The following KCNK13 variants were observed in gnomAD, a reference collection of about 807,000 sequenced individuals.
KCNK13 encodes potassium channel subfamily K member 13.
Under a neutral mutation model 23.4 loss-of-function variants are expected in KCNK13, and 12 were observed. That is an observed-to-expected ratio of 0.51 (90% CI 0.33 to 0.83). The LOEUF (loss-of-function observed/expected upper bound fraction) is 0.83. KCNK13 is among the 40% of genes least tolerant of loss of function. The pLI is 0.02. For missense variants in KCNK13, 463 were observed against 556.3 expected, an observed-to-expected ratio of 0.83 and a Z score of 1.69; for synonymous variants, 231 against 229.5, an observed-to-expected ratio of 1.01 and a Z score of -0.06.
intron 1 of KCNK13, among the ~76,000 whole-genome samples, chr14:90,101,771 CAG>C: frequency 1.1e-5 from 1 of 92,516 alleles, no homozygotes; most frequent in Non-Finnish European, 2.0e-5. Flanking sequence ...GCCTGGGCAA[CAG>C]AGTGAGACTC....
At chr14:90,164,183 G>T (rs1039123169) in intron 1 of KCNK13, among the ~76,000 whole-genome samples, 1 of 152,112 alleles carries the variant, frequency 6.6e-6, no homozygotes, top group South Asian at 2.1e-4. Context: ...CTTTTCCTCT[G>T]CCAGCTCAAT....
chr14:90,137,096 T>C (rs1005454401), intron 1 of KCNK13, among the ~76,000 whole-genome samples: 1 of 152,166 alleles, frequency 6.6e-6, no homozygotes, highest in African/African-American at 2.4e-5. Flanking sequence ...TTGTGCTCAT[T>C]TAAAAACAGC....
At chr14:90,107,278 G>T (rs576399687) in intron 1 of KCNK13, among the ~76,000 whole-genome samples, 1 of 152,152 alleles carries the variant, frequency 6.6e-6, no homozygotes, top group Non-Finnish European at 1.5e-5. Flanking sequence ...AGGAGATTGA[G>T]ACCATCCTGG....
intron 1 of KCNK13, among the ~76,000 whole-genome samples, chr14:90,139,195 G>A (rs1889974174): frequency 6.6e-6 from 1 of 152,174 alleles, no homozygotes; most frequent in Non-Finnish European, 1.5e-5. Flanking sequence ...TTGAGATGGG[G>A]CAAGTGATGT....
At chr14:90,137,144 C>T (rs192038315) in intron 1 of KCNK13, among the ~76,000 whole-genome samples, 13 of 152,252 alleles carry the variant, frequency 8.5e-5, no homozygotes, top group African/African-American at 2.6e-4. Context: ...CTTCTGCCTT[C>T]GTGGCCTTTG....
intron 1 of KCNK13, among the ~76,000 whole-genome samples, chr14:90,104,012 G>A (rs1889513633): frequency 6.6e-6 from 1 of 152,148 alleles, no homozygotes; most frequent in African/African-American, 2.4e-5. Context: ...TATAAGATCA[G>A]TCTCTAGGCT....
In KCNK13 at chr14:90,123,996, T is replaced by C. The variant is rs1196384632; in HGVS notation, c.335-60115T>C. On this transcript the variant is annotated intron_variant, in intron 1 of 1. Transcript: ENST00000282146. ...GGCATAGATATTTTGTAAAAGCTCC[T>C]TGCTGATTCTAATATGTACCCAGGA... Among the ~76,000 whole-genome samples the C allele has an allele frequency of 2.0e-5, 3 of 152,332 alleles. No individual in the cohort carries two copies. In the East Asian group the frequency reaches 5.8e-4, roughly 29 times the overall value.
chr14:90,086,796 G>T (rs900769207), intron 1 of KCNK13, among the ~76,000 whole-genome samples: 4 of 152,130 alleles, frequency 2.6e-5, no homozygotes, highest in Non-Finnish European at 5.9e-5. Flanking sequence ...GACTGCAGGA[G>T]TTCTTAAGCC....
chr14:90,179,002 A>T (rs1890456009), intron 1 of KCNK13, among the ~76,000 whole-genome samples: 2 of 152,212 alleles, frequency 1.3e-5, no homozygotes, highest in South Asian at 4.1e-4. Context: ...GTAAAAAGAT[A>T]ATTTTGAGAA....
chr14:90,174,078 G>A (rs558041622), intron 1 of KCNK13, among the ~76,000 whole-genome samples: 6 of 152,014 alleles, frequency 3.9e-5, no homozygotes, highest in African/African-American at 1.2e-4. Flanking sequence ...AGGCCGAGGC[G>A]GGCGGATCAT....
chr14:90,108,585 A>T (rs1224337057), intron 1 of KCNK13, among the ~76,000 whole-genome samples: 1 of 152,058 alleles, frequency 6.6e-6, no homozygotes, highest in African/African-American at 2.4e-5. Flanking sequence ...CACAGATCTC[A>T]TAGGAAATGT....
chr14:90,068,643 C>T (rs556297812), intron 1 of KCNK13, among the ~76,000 whole-genome samples: 2 of 152,108 alleles, frequency 1.3e-5, no homozygotes, highest in Non-Finnish European at 1.5e-5. Flanking sequence ...CTCAGGTCAA[C>T]CCCAGACCAA....
chr14:90,069,529 C>CTT (rs113406214), intron 1 of KCNK13, among the ~76,000 whole-genome samples: 31 of 145,758 alleles, frequency 2.1e-4, no homozygotes, highest in East Asian at 4.0e-4. Flanking sequence ...CTTTGGAAAT[C>CTT]TTTTTTTTTT....
chr14:90,116,609 A>G, intron 1 of KCNK13, among the ~76,000 whole-genome samples: 1 of 152,178 alleles, frequency 6.6e-6, no homozygotes, highest in Non-Finnish European at 1.5e-5. Flanking sequence ...AGACAAGCCC[A>G]AGTGGATTTA....
intron 1 of KCNK13, among the ~76,000 whole-genome samples, chr14:90,178,231 C>CAAAGAAA (rs1890444807): frequency 1.3e-5 from 1 of 75,072 alleles, no homozygotes; most frequent in Admixed American, 2.1e-4. Flanking sequence ...TTCCTAAAAG[C>CAAAGAAA]AAAAAAAAAA....
intron 1 of KCNK13, among the ~76,000 whole-genome samples, chr14:90,141,793 T>TTGGG (rs1890009101): frequency 5.6e-5 from 1 of 17,818 alleles, no homozygotes; most frequent in African/African-American, 1.4e-4. Context: ...GTTTTGTTTT[T>TTGGG]TGGGGGGGGG....
intron 1 of KCNK13, among the ~76,000 whole-genome samples, chr14:90,098,748 C>T (rs188907985): frequency 5.9e-5 from 9 of 151,696 alleles, no homozygotes; most frequent in East Asian, 3.9e-4. Flanking sequence ...GATTCTACTG[C>T]GAATCTTTAG....
intron 1 of KCNK13, among the ~76,000 whole-genome samples, chr14:90,179,553 A>G (rs74080639): frequency 6.6e-6 from 1 of 152,272 alleles, no homozygotes; most frequent in African/African-American, 2.4e-5. Context: ...ACATTAACAG[A>G]GGTCTGAAAT....
At chr14:90,159,835 CT>C (rs1212157481) in intron 1 of KCNK13, among the ~76,000 whole-genome samples, 3 of 152,154 alleles carry the variant, frequency 2.0e-5, no homozygotes, top group Admixed American at 6.5e-5. Context: ...TAAATTCCCC[CT>C]GTATCCCTTT....
Sources: gnomAD v4.1 joint callset for allele counts (sites outside exome capture counted in the v4.1 genomes callset) on GRCh38, gnomAD v4.1.1 for gene constraint, MANE v1.5 for transcripts, NCBI Gene and HGNC (gene_info 2026-07-23, HGNC 2026-07-21) for gene names.